GIT1: variants seen among roughly 807,000 people sequenced by gnomAD.
GIT1 encodes the protein ARF GTPase-activating protein GIT1.
A neutral mutation model predicts 91.7 loss-of-function variants in GIT1; 14 were observed. The ratio of observed to expected loss-of-function variants is 0.15; its 90% CI spans 0.10 to 0.24. The LOEUF (loss-of-function observed/expected upper bound fraction) is 0.24, where lower values mean the gene tolerates loss of function less well. GIT1 is among the 10% of genes least tolerant of loss of function. The pLI is 1.00. For synonymous variants in GIT1, 414 were observed against 418.2 expected (o/e 0.99, Z 0.12); for missense variants, 717 against 1,024.9 (o/e 0.70, Z 4.10).
At position 29,581,224 on chromosome 17, in the gene GIT1, TG is replaced by T; in HGVS notation, c.761+113del. On this transcript the variant is annotated intron_variant, in intron 7 of 19. Coordinates refer to ENST00000225394, the MANE Select transcript of GIT1 (RefSeq NM_014030.4). This position sits in a 1 kb window ranked among gnomAD's most constrained non-coding sequence, Gnocchi z 4.8. The stretch of plus-strand genomic sequence containing the variant: ...AGGACTAAGCTGTGCCTCTAGTCTC[TG>T]GGGGGAGGGAGCAGGGTCCTAGGCC... 3 of 784,302 alleles carry T rather than the reference TG, an allele frequency of 3.8e-6. No homozygotes were observed. The highest frequency in any genetic ancestry group is 4.5e-6 in the Non-Finnish European group (2 of 441,660). The allele number at this position is 784,302 out of a possible 1,614,324, so 48.6% of individuals were successfully genotyped here.
In GIT1 at chr17:29,589,299, G is replaced by A. The variant is rs1341465323; in HGVS notation, c.52+28C>T. 7.0e-6 allele frequency: 7 copies of A among 1,000,648 alleles called. No homozygotes were observed. The highest frequency in any genetic ancestry group is 8.4e-6 in the Non-Finnish European group (7 of 837,722). 62.0% of individuals were successfully genotyped at this position (1,000,648 alleles called of 1,614,324 possible). The stretch of plus-strand genomic sequence containing the variant: ...CGCCCGGCGGCGGCCTGGCTGTGCG[G>A]TCCCGCCCCCGGCCCCGCCGCGCTT... On this transcript the variant is annotated intron_variant, in intron 1 of 19. Transcript: ENST00000225394. This position sits in a 1 kb window ranked among gnomAD's most constrained non-coding sequence, Gnocchi z 5.2.
At position 29,589,443 on chromosome 17, in the gene GIT1, C is replaced by A; in HGVS notation, c.-65G>T. ...GGGGGGCGCGGGCGGCGGGCCCGGG[C>A]GGCGGCGGCGGCCCCTGCTGCCCGG... is the stretch of plus-strand genomic sequence containing the variant. On this transcript the variant is annotated 5_prime_UTR_variant, in exon 1 of 20. Transcript: ENST00000225394. The surrounding 1 kb of genome is among the most constrained non-coding windows in gnomAD (Gnocchi z 5.2). 6 of 615,460 alleles carry A rather than the reference C, an allele frequency of 9.7e-6. No homozygotes were observed. Among genetic ancestry groups the A allele is most frequent in the Non-Finnish European group, 1.2e-5 (6 of 494,502 alleles). 38.1% of individuals were successfully genotyped at this position (615,460 alleles called of 1,614,324 possible). A position where few individuals can be genotyped will look rare whatever the true frequency, so the allele number is the denominator to read the frequency against.
Position 29,575,725 on chromosome 17 carries a change from C to T in GIT1, c.1753-22G>A, listed in dbSNP as rs747090312. ...TGCTCTGGAGGGCGGAGGGAAGGGG[C>T]TGTGAGCGCCGTGTTCCTGGACCCA... On this transcript the variant is annotated intron_variant, in intron 16 of 19. Transcript: ENST00000225394. The surrounding 1 kb of genome is among the most constrained non-coding windows in gnomAD (Gnocchi z 5.5). The T allele has an allele frequency of 2.5e-6, 4 of 1,611,894 alleles. No individual in the cohort carries two copies. Among genetic ancestry groups the T allele is most frequent in the Admixed American group, 1.7e-5 (1 of 59,984 alleles).
Position 29,580,696 on chromosome 17 carries a change from TA to T in GIT1, c.761+641del, listed in dbSNP as rs544411886. On this transcript the variant is annotated intron_variant, in intron 7 of 19. Coordinates refer to ENST00000225394, the MANE Select transcript of GIT1 (RefSeq NM_014030.4). ...TTTCAGCGAAGAGCAGAGGCTTCTC[TA>T]AAGACAGTGGGGTCGGTGCCACTGG... 5.3e-5 allele frequency among the ~76,000 whole-genome samples: 8 copies of T among 152,076 alleles called. No homozygotes were observed. The South Asian group carries it at 1.7e-3, about 32-fold the overall frequency.
intron 7 of GIT1, chr17:29,579,182 C>T: frequency 3.3e-6 from 2 of 599,670 alleles, no homozygotes. Flanking sequence ...CTCTCAGTGA[C>T]CTGTTTGTCC....
At position 29,576,383 on chromosome 17, in the gene GIT1, A is replaced by C; in HGVS notation, c.1448T>G (p.Leu483Arg). ...QPPGPVPTPP[L>R]PSERAEHTPM... ...TGTGTGTTCCGCCCGTTCACTGGGGAGTGGAGGTGTGGGCACCGGCCCTGG... is the reference window on the plus strand; with the variant it reads ...TGTGTGTTCCGCCCGTTCACTGGGGCGTGGAGGTGTGGGCACCGGCCCTGG... Residue 483 changes from leucine to arginine, a missense_variant, in exon 14 of 20, where the codon CTC becomes CGC. Leu to Arg is a moderately radical substitution (Grantham distance 102). Transcript: ENST00000225394. The C allele has an allele frequency of 6.2e-7, 1 of 1,613,288 alleles. No homozygotes were observed. Among genetic ancestry groups the C allele is most frequent in the Non-Finnish European group, 8.5e-7 (1 of 1,179,934 alleles).
chr17:29,575,584 G>A lies in GIT1; in HGVS notation c.1826+46C>T, dbSNP rs748458392. On this transcript the variant is annotated intron_variant, in intron 17 of 19. Coordinates refer to ENST00000225394, the MANE Select transcript of GIT1 (RefSeq NM_014030.4). The surrounding 1 kb of genome is among the most constrained non-coding windows in gnomAD (Gnocchi z 5.5). ...CACTGGGGGCCCTCTCAACCTCCCC[G>A]CCTCGGCATGTGAGCAGGCTGGACT... The A allele has an allele frequency of 3.8e-6, 6 of 1,587,538 alleles. No individual in the cohort carries two copies. Among genetic ancestry groups the A allele is most frequent in the South Asian group, 3.3e-5 (3 of 90,106 alleles).
At position 29,574,128 on chromosome 17, in the gene GIT1, G is replaced by GA. The variant is rs1157824593; in HGVS notation, c.*573dup. ...AAATTAAGGGGTGGGGAAGAAGAAA[G>GA]AAAAAAAAAAAACAGACTTTCCAGT... On this transcript the variant is annotated 3_prime_UTR_variant, in exon 20 of 20. Coordinates refer to ENST00000225394, the MANE Select transcript of GIT1 (RefSeq NM_014030.4). 313 of 140,686 alleles carry GA rather than the reference G, an allele frequency of 2.2e-3. No individual in the cohort carries two copies. Among genetic ancestry groups the GA allele is most frequent in the Middle Eastern group, 7.1e-3 (2 of 280 alleles). 8.7% of individuals were successfully genotyped at this position (140,686 alleles called of 1,614,324 possible).
chr17:29,584,543 G>A (rs554977044), intron 1 of GIT1, among the ~76,000 whole-genome samples: 2 of 152,292 alleles, frequency 1.3e-5, no homozygotes, highest in South Asian at 4.1e-4. Context: ...AGCTGCATAC[G>A]ACTCAGGCTG....
In GIT1 at chr17:29,575,509, A is replaced by G; in HGVS notation, c.1827-39T>C. 6.3e-7 allele frequency: 1 copy of G among 1,582,264 alleles called. No homozygotes were observed. Among genetic ancestry groups the G allele is most frequent in the Non-Finnish European group, 8.6e-7 (1 of 1,160,416 alleles). ...CCAGAAAACAGAGACAAAGATACAT[A>G]TAGAGAAAGACACGTTCCAGCCTCG... On this transcript the variant is annotated intron_variant, in intron 17 of 19. Coordinates refer to ENST00000225394, the MANE Select transcript of GIT1 (RefSeq NM_014030.4). This position sits in a 1 kb window ranked among gnomAD's most constrained non-coding sequence, Gnocchi z 5.5.
intron 1 of GIT1, among the ~76,000 whole-genome samples, chr17:29,587,198 C>G (rs970941605): frequency 6.6e-6 from 1 of 152,172 alleles, no homozygotes; most frequent in Non-Finnish European, 1.5e-5. Context: ...GCCTCTCTGC[C>G]TGAGATGCCA....
intron 9 of GIT1, 65 bp downstream of exon 9, chr17:29,578,234 G>T: frequency 7.7e-7 from 1 of 1,306,676 alleles, no homozygotes; most frequent in Non-Finnish European, 1.1e-6. Context: ...CCCAGTAAAG[G>T]ACCAGAGACC....
rs1211394191 is a variant in GIT1 at position 29,581,739 on chromosome 17, C to T, written c.718+3G>A. 1 of 1,607,930 alleles carries T rather than the reference C, an allele frequency of 6.2e-7. No individual in the cohort carries two copies. The highest frequency in any genetic ancestry group is 1.3e-5 in the African/African-American group (1 of 74,888). ...AGCCAGGCGCCCCCCAAGCTCTGCT[C>T]ACCCGGCTTGCGTCCACAGAGGTAG... On this transcript the variant is annotated splice_donor_region_variant and intron_variant, in intron 6 of 19. Coordinates refer to ENST00000225394, the MANE Select transcript of GIT1 (RefSeq NM_014030.4). The surrounding 1 kb of genome is among the most constrained non-coding windows in gnomAD (Gnocchi z 4.8).
intron 13 of GIT1, 29 bp downstream of exon 13, chr17:29,576,493 T>C (rs1392246270): frequency 6.2e-7 from 1 of 1,613,182 alleles, no homozygotes; most frequent in East Asian, 2.2e-5. Flanking sequence ...GTCCTGGGGC[T>C]CCCCCTCCCA....
Position 29,574,488 on chromosome 17 carries a change from G to A in GIT1, c.*214C>T. 3.2e-6 allele frequency: 2 copies of A among 623,898 alleles called. No individual in the cohort carries two copies. The highest frequency in any genetic ancestry group is 3.7e-5 in the South Asian group (2 of 54,254). 38.6% of individuals were successfully genotyped at this position (623,898 alleles called of 1,614,324 possible). A position where few individuals can be genotyped will look rare whatever the true frequency, so the allele number is the denominator to read the frequency against. On this transcript the variant is annotated 3_prime_UTR_variant, in exon 20 of 20. Transcript: ENST00000225394. ...TGCTATATACAGAGGGGAGGTGCATGGAATGTGGGGGACAGAAGCTCCTGC... is the reference window on the plus strand; with the variant it reads ...TGCTATATACAGAGGGGAGGTGCATAGAATGTGGGGGACAGAAGCTCCTGC...
In GIT1 at chr17:29,576,561, G is replaced by A; in HGVS notation, c.1341C>T (p.Asn447=). The part of the protein sequence containing the change: ...EAKVQQLMKV[N]SSLSDELRRL... Reference sequence around the variant, plus strand: ...TCCGGAGCTCGTCGCTCAGGCTACTGTTGACCTTCATGAGCTGCTGCACCT... The same window carrying A: ...TCCGGAGCTCGTCGCTCAGGCTACTATTGACCTTCATGAGCTGCTGCACCT... Residue 447 remains asparagine, a synonymous_variant, in exon 13 of 20, where the codon AAC becomes AAT. Coordinates refer to ENST00000225394, the MANE Select transcript of GIT1 (RefSeq NM_014030.4). The A allele has an allele frequency of 1.2e-6, 2 of 1,614,006 alleles. No homozygotes were observed. The highest frequency in any genetic ancestry group is 1.7e-6 in the Non-Finnish European group (2 of 1,180,010).
rs1046118644 is a variant in GIT1 at position 29,575,545 on chromosome 17, C to G, written c.1827-75G>C. The G allele has an allele frequency of 5.2e-5, 82 of 1,563,384 alleles. No homozygotes were observed. Among genetic ancestry groups the G allele is most frequent in the Non-Finnish European group, 6.6e-5 (76 of 1,144,466 alleles). On this transcript the variant is annotated intron_variant, in intron 17 of 19. Coordinates refer to ENST00000225394, the MANE Select transcript of GIT1 (RefSeq NM_014030.4). This position sits in a 1 kb window ranked among gnomAD's most constrained non-coding sequence, Gnocchi z 5.5. ...CACGTTCCAGCCTCGGAGCCGCCCG[C>G]CTTGGTCCTCACACACTGGGGGCCC...
intron 1 of GIT1, among the ~76,000 whole-genome samples, chr17:29,587,693 C>T (rs1005697859): frequency 6.6e-6 from 1 of 152,184 alleles, no homozygotes; most frequent in Non-Finnish European, 1.5e-5. Flanking sequence ...CATTTCTACT[C>T]CAACTTCTTT....
At position 29,575,358 on chromosome 17, in the gene GIT1, A is replaced by G; in HGVS notation, c.1939T>C (p.Leu647=). Residue 647 remains leucine, a synonymous_variant, in exon 18 of 20, where the codon TTG becomes CTG. Coordinates refer to ENST00000225394, the MANE Select transcript of GIT1 (RefSeq NM_014030.4). The surrounding 1 kb of genome is among the most constrained non-coding windows in gnomAD (Gnocchi z 5.5). ...PGLPSTEDVI[L]KTEQVTKNIQ... ...TTCTTGGTGACCTGCTCTGTCTTCA[A>G]GATGACATCCTCTGTGCTGGGAAGC... 6.2e-7 allele frequency: 1 copy of G among 1,613,746 alleles called. No individual in the cohort carries two copies. The highest frequency in any genetic ancestry group is 8.5e-7 in the Non-Finnish European group (1 of 1,179,890).
Sources: allele counts gnomAD v4.1 joint callset (sites outside exome capture counted in the v4.1 genomes callset), GRCh38; gene constraint gnomAD v4.1.1; non-coding constraint Gnocchi (gnomAD v3.1); transcripts MANE v1.5; gene names NCBI Gene and HGNC (gene_info 2026-07-23, HGNC 2026-07-21).